EXOC6B: variants seen among roughly 807,000 people sequenced by gnomAD.
EXOC6B encodes exocyst complex component 6B, also known as SEC15 homolog B.
In EXOC6B, 54 loss-of-function variants were observed where a neutral mutation model predicts 113.5. The observed-to-expected ratio is 0.48, with a 90% CI of 0.38 to 0.60. EXOC6B has a LOEUF of 0.60. Among genes scored for constraint, EXOC6B ranks in the 20% least tolerant of loss-of-function variants. The pLI is 0.00. For synonymous variants in EXOC6B, 357 were observed against 339.0 expected (o/e 1.05, Z -0.58); for missense variants, 797 against 977.5 (o/e 0.82, Z 2.46).
At chr2:72,299,465 A>G (rs1299154436) in intron 20 of EXOC6B, among the ~76,000 whole-genome samples, 2 of 151,972 alleles carry the variant, frequency 1.3e-5, no homozygotes, top group African/African-American at 4.8e-5. Context: ...TTGGGTTAGA[A>G]CATGCTCCTT....
Position 72,556,749 on chromosome 2 carries a change from T to TA in EXOC6B, c.915+2703_915+2704insT, listed in dbSNP as rs746808643. Among the ~76,000 whole-genome samples the TA allele has an allele frequency of 8.2e-3, 717 of 87,866 alleles. 5 individuals carry two copies. The highest frequency in any genetic ancestry group is 0.016 in the Non-Finnish European group (522 of 32,182). The allele number at this position is 87,866 out of a possible 152,430, so 57.6% of individuals were successfully genotyped here. On this transcript the variant is annotated intron_variant, in intron 8 of 21. Coordinates refer to ENST00000272427, the MANE Select transcript of EXOC6B (RefSeq NM_015189.3). ...TGTGACAGCAGGATAAAGAGGTATT[T>TA]TAAAAAAAAACTCAAAAGTTTAAAC... is the stretch of plus-strand genomic sequence containing the variant.
At chr2:72,593,162 C>T (rs1014741078) in intron 6 of EXOC6B, among the ~76,000 whole-genome samples, 1 of 152,174 alleles carries the variant, frequency 6.6e-6, no homozygotes, top group African/African-American at 2.4e-5. Flanking sequence ...CCATGCCCTT[C>T]CTCCATACCT....
chr2:72,514,596 A>AT (rs1491376240), intron 10 of EXOC6B, 38 bp downstream of exon 10: 185 of 222,738 alleles, frequency 8.3e-4, no homozygotes, highest in African/African-American at 2.3e-3. Flanking sequence ...ATAAATAAAT[A>AT]AATAAATAAA....
intron 6 of EXOC6B, among the ~76,000 whole-genome samples, chr2:72,598,015 A>G (rs1407746198): frequency 1.3e-5 from 2 of 151,946 alleles, no homozygotes; most frequent in Admixed American, 6.6e-5. Context: ...TTCAACACAC[A>G]TCTATCAATA....
intron 6 of EXOC6B, among the ~76,000 whole-genome samples, chr2:72,666,350 C>A (rs1466756638): frequency 6.6e-6 from 1 of 152,146 alleles, no homozygotes; most frequent in Non-Finnish European, 1.5e-5. Context: ...ACTTTCTTCT[C>A]ATACGCACAT....
At chr2:72,724,067 G>C (rs1341978791) in intron 5 of EXOC6B, among the ~76,000 whole-genome samples, 1 of 152,110 alleles carries the variant, frequency 6.6e-6, no homozygotes. Flanking sequence ...GAAGTTGTGT[G>C]GCAGAGTTCC....
At chr2:72,287,077 G>T (rs1029448196) in intron 20 of EXOC6B, among the ~76,000 whole-genome samples, 2 of 151,896 alleles carry the variant, frequency 1.3e-5, no homozygotes, top group African/African-American at 2.4e-5. Context: ...GAAGTTAAAG[G>T]ATAGCAAACT....
intron 6 of EXOC6B, among the ~76,000 whole-genome samples, chr2:72,606,195 C>T (rs1488680404): frequency 6.6e-6 from 1 of 151,960 alleles, no homozygotes; most frequent in African/African-American, 2.4e-5. Flanking sequence ...ACAAAATTTT[C>T]CACATTCTTT....
chr2:72,662,827 C>T (rs1011096422), intron 6 of EXOC6B, among the ~76,000 whole-genome samples: 3 of 152,078 alleles, frequency 2.0e-5, no homozygotes, highest in Non-Finnish European at 1.5e-5. Context: ...CAACCTCCGA[C>T]TCCCTAGTTC....
At chr2:72,663,730 T>C (rs1675185050) in intron 6 of EXOC6B, among the ~76,000 whole-genome samples, 1 of 152,042 alleles carries the variant, frequency 6.6e-6, no homozygotes, top group Non-Finnish European at 1.5e-5. Context: ...GTGGAATACA[T>C]AGGACTTTTA....
chr2:72,324,733 C>T (rs899392990), intron 20 of EXOC6B, among the ~76,000 whole-genome samples: 2 of 152,092 alleles, frequency 1.3e-5, no homozygotes, highest in Non-Finnish European at 2.9e-5. Context: ...ACCTAATCAC[C>T]ATGCTGCCCT....
chr2:72,445,355 C>T (rs1428265725), intron 18 of EXOC6B, among the ~76,000 whole-genome samples: 1 of 152,186 alleles, frequency 6.6e-6, no homozygotes, highest in Non-Finnish European at 1.5e-5. Context: ...ATTTTCCTGA[C>T]TTCTGGGCCA....
intron 20 of EXOC6B, among the ~76,000 whole-genome samples, chr2:72,235,715 T>C (rs1024296168): frequency 6.6e-6 from 1 of 152,112 alleles, no homozygotes; most frequent in Non-Finnish European, 1.5e-5. Flanking sequence ...GCCCTTTGAA[T>C]ATGCTGCCTG....
chr2:72,259,407 C>T (rs370976516), intron 20 of EXOC6B, among the ~76,000 whole-genome samples: 2 of 152,110 alleles, frequency 1.3e-5, no homozygotes, highest in Non-Finnish European at 2.9e-5. Context: ...TATGTATATA[C>T]TACAATTTGT....
intron 6 of EXOC6B, among the ~76,000 whole-genome samples, chr2:72,626,336 T>C (rs772707849): frequency 6.6e-6 from 1 of 152,128 alleles, no homozygotes; most frequent in Non-Finnish European, 1.5e-5. Flanking sequence ...CTGAAAATAA[T>C]AAATAGCTGG....
intron 20 of EXOC6B, among the ~76,000 whole-genome samples, chr2:72,225,748 C>A (rs906856590): frequency 5.9e-5 from 9 of 152,156 alleles, no homozygotes; most frequent in African/African-American, 2.2e-4. Flanking sequence ...TTTTCACCCC[C>A]TATCCCTATT....
At chr2:72,533,228 C>A (rs1702109167) in intron 8 of EXOC6B, among the ~76,000 whole-genome samples, 1 of 152,154 alleles carries the variant, frequency 6.6e-6, no homozygotes, top group African/African-American at 2.4e-5. Flanking sequence ...CCAGAATGAG[C>A]TTGGCTGTGC....
At chr2:72,433,619 C>T (rs941091672) in intron 18 of EXOC6B, among the ~76,000 whole-genome samples, 1 of 152,152 alleles carries the variant, frequency 6.6e-6, no homozygotes, top group Non-Finnish European at 1.5e-5. Context: ...AGAGGTCCTT[C>T]ACATCCCTTG....
At position 72,631,426 on chromosome 2, in the gene EXOC6B, G is replaced by GTATA. The variant is rs376088377; in HGVS notation, c.670-55762_670-55759dup. 9.6e-3 allele frequency among the ~76,000 whole-genome samples: 268 copies of GTATA among 28,008 alleles called. 1 individual carries two copies. The highest frequency in any genetic ancestry group is 0.012 in the Non-Finnish European group (176 of 14,202). The allele number at this position is 28,008 out of a possible 152,430, so 18.4% of individuals were successfully genotyped here. On this transcript the variant is annotated intron_variant, in intron 6 of 21. Coordinates refer to ENST00000272427, the MANE Select transcript of EXOC6B (RefSeq NM_015189.3). The stretch of plus-strand genomic sequence containing the variant: ...TGTATATGTGTGTGTGTGTGTGTGT[G>GTATA]TATATATATATATATATATATATAT...
Sources: gnomAD v4.1 joint callset for allele counts (sites outside exome capture counted in the v4.1 genomes callset) on GRCh38, gnomAD v4.1.1 for gene constraint, MANE v1.5 for transcripts, NCBI Gene and HGNC (gene_info 2026-07-23, HGNC 2026-07-21) for gene names.